UBE2D3: variants seen among roughly 807,000 people sequenced by gnomAD.
The protein encoded by UBE2D3 is ubiquitin-conjugating enzyme E2 D3.
Under a neutral mutation model 22.8 loss-of-function variants are expected in UBE2D3, and 2 were observed. The observed-to-expected ratio is 0.09, with a 90% CI of 0.04 to 0.28. The LOEUF (loss-of-function observed/expected upper bound fraction) is 0.28. Ranked by LOEUF, UBE2D3 falls within the 10% of genes least tolerant of loss-of-function variation. The pLI is 1.00. For missense variants in UBE2D3, 27 were observed against 182.5 expected (o/e 0.15, Z 4.91); for synonymous variants, 56 against 60.4 (o/e 0.93, Z 0.34).
chr4:102,843,675 C>CAA (rs1184115057), intron 1 of UBE2D3: 1 of 102,774 alleles, frequency 9.7e-6, no homozygotes, highest in Non-Finnish European at 1.9e-5. Flanking sequence ...AAACCTGTGG[C>CAA]AAGTCCTGGA....
At chr4:102,802,901 G>C (rs768911409) in intron 4 of UBE2D3, among the ~76,000 whole-genome samples, 1 of 152,068 alleles carries the variant, frequency 6.6e-6, no homozygotes, top group Admixed American at 6.5e-5. Flanking sequence ...AAGTATTCTA[G>C]ATCTCAATTC....
At chr4:102,822,467 C>T (rs1037501436) in intron 2 of UBE2D3, among the ~76,000 whole-genome samples, 1 of 152,168 alleles carries the variant, frequency 6.6e-6, no homozygotes, top group Non-Finnish European at 1.5e-5. Flanking sequence ...GAAGAGACTA[C>T]CCCAAAAGAA....
intron 2 of UBE2D3, chr4:102,825,349 C>G: frequency 5.9e-6 from 6 of 1,008,710 alleles, no homozygotes; most frequent in Non-Finnish European, 7.1e-6. Context: ...ACACATCACA[C>G]AAATACAAGT....
chr4:102,828,442 G>T (rs955653771), upstream of UBE2D3, among the ~76,000 whole-genome samples: 1 of 152,090 alleles, frequency 6.6e-6, no homozygotes, highest in Non-Finnish European at 1.5e-5. Flanking sequence ...CCCACGTGCT[G>T]AAGTCTAGTG....
At chr4:102,853,211 C>T (rs1732461519) in intron 1 of UBE2D3, among the ~76,000 whole-genome samples, 1 of 127,478 alleles carries the variant, frequency 7.8e-6, no homozygotes, top group Non-Finnish European at 1.6e-5. Context: ...GGCGGGATCT[C>T]GGCTCACTGC....
intron 1 of UBE2D3, among the ~76,000 whole-genome samples, chr4:102,854,350 T>TA (rs1560892288): frequency 6.6e-6 from 1 of 152,208 alleles, no homozygotes. Flanking sequence ...AGATTAATGA[T>TA]ACTACAGTTC....
chr4:102,825,591 G>A (rs1730326226), intron 2 of UBE2D3: 1 of 1,212,850 alleles, frequency 8.2e-7, no homozygotes, highest in Non-Finnish European at 1.1e-6. Flanking sequence ...CGGAGGTGGA[G>A]GTTCCGCTCA....
At chr4:102,823,594 A>G (rs1395194652) in intron 2 of UBE2D3, among the ~76,000 whole-genome samples, 1 of 152,220 alleles carries the variant, frequency 6.6e-6, no homozygotes, top group African/African-American at 2.4e-5. Context: ...TAAAACACAT[A>G]TATTGTAGTC....
At chr4:102,865,910 C>T (rs1181639343) in intron 1 of UBE2D3, among the ~76,000 whole-genome samples, 3 of 152,114 alleles carry the variant, frequency 2.0e-5, no homozygotes, top group African/African-American at 2.4e-5. Flanking sequence ...AGTTTTCTGA[C>T]CACAGTTTCT....
Position 102,801,576 on chromosome 4 carries a change from T to TAA in UBE2D3, c.199-19_199-18dup. ...AAATGCAACCTAAAACAAAAACTTTTAAGTATTTTATTCAAATAAAAACAA... is the reference window on the plus strand; with the variant it reads ...AAATGCAACCTAAAACAAAAACTTTTAAAAGTATTTTATTCAAATAAAAACAA... On this transcript the variant is annotated splice_polypyrimidine_tract_variant and intron_variant, in intron 5 of 7. Coordinates refer to ENST00000453744, the MANE Select transcript of UBE2D3 (RefSeq NM_181891.3). 6.4e-7 allele frequency: 1 copy of TAA among 1,559,686 alleles called. No individual in the cohort carries two copies. Among genetic ancestry groups the TAA allele is most frequent in the Non-Finnish European group, 8.7e-7 (1 of 1,144,230 alleles).
At chr4:102,823,787 T>A (rs1199519806) in intron 2 of UBE2D3, among the ~76,000 whole-genome samples, 1 of 152,184 alleles carries the variant, frequency 6.6e-6, no homozygotes, top group African/African-American at 2.4e-5. Context: ...AGAACACAGC[T>A]GAAGCAAAGT....
chr4:102,804,021 G>A (rs573431216), intron 4 of UBE2D3, among the ~76,000 whole-genome samples: 2 of 151,858 alleles, frequency 1.3e-5, no homozygotes, highest in Non-Finnish European at 2.9e-5. Context: ...CACCCATCTC[G>A]GCCTCCCAAA....
At chr4:102,834,492 T>C (rs1452258136) in intron 1 of UBE2D3, among the ~76,000 whole-genome samples, 1 of 152,102 alleles carries the variant, frequency 6.6e-6, no homozygotes, top group Non-Finnish European at 1.5e-5. Context: ...TACATAGCTG[T>C]AATCCCAGCA....
chr4:102,826,747 A>G, intron 1 of UBE2D3, 111 bp from the exon 2 acceptor site: 2 of 1,416,632 alleles, frequency 1.4e-6, no homozygotes, highest in Non-Finnish European at 1.8e-6. Flanking sequence ...GGCGTGGCAA[A>G]GCCACCAACA....
intron 2 of UBE2D3, among the ~76,000 whole-genome samples, chr4:102,821,607 ATTT>A (rs35400781): frequency 4.1e-4 from 62 of 150,828 alleles, no homozygotes; most frequent in African/African-American, 1.3e-3. Context: ...ATGCAGCTGT[ATTT>A]TTTTTTTTAA....
At chr4:102,800,683 T>C (rs1726018353) in intron 6 of UBE2D3, among the ~76,000 whole-genome samples, 1 of 152,080 alleles carries the variant, frequency 6.6e-6, no homozygotes, top group Admixed American at 6.6e-5. Context: ...TTCTACTCAA[T>C]AAAGTTTGGG....
intron 4 of UBE2D3, among the ~76,000 whole-genome samples, chr4:102,805,223 A>C (rs960155196): frequency 6.6e-6 from 1 of 152,224 alleles, no homozygotes; most frequent in African/African-American, 2.4e-5. Flanking sequence ...AGGAAGAACT[A>C]CGAGGTTCAG....
intron 2 of UBE2D3, 74 bp downstream of exon 2, chr4:102,826,411 C>T: frequency 6.3e-7 from 1 of 1,578,160 alleles, no homozygotes; most frequent in Non-Finnish European, 8.7e-7. Flanking sequence ...GCTTCCTTCC[C>T]ACCCCCACGC....
Position 102,803,544 on chromosome 4 carries a change from A to G in UBE2D3, c.121-906T>C, listed in dbSNP as rs148073750. ...CTACCCTTCTGTAAAATAAATAAAC[A>G]TTAATTCAATTAATCTAACCCCTTG... is the stretch of plus-strand genomic sequence containing the variant. On this transcript the variant is annotated intron_variant, in intron 4 of 7. Coordinates refer to ENST00000453744, the MANE Select transcript of UBE2D3 (RefSeq NM_181891.3). 4.1e-3 allele frequency among the ~76,000 whole-genome samples: 618 copies of G among 152,330 alleles called. 3 individuals are homozygous for G. The highest frequency in any genetic ancestry group is 0.014 in the African/African-American group (572 of 41,578).
Sources: gnomAD v4.1 joint callset for allele counts (sites outside exome capture counted in the v4.1 genomes callset) on GRCh38, gnomAD v4.1.1 for gene constraint, MANE v1.5 for transcripts, NCBI Gene and HGNC (gene_info 2026-07-23, HGNC 2026-07-21) for gene names.